Variants in VRK1 observed in about 807,000 individuals in gnomAD.
VRK1 encodes serine/threonine-protein kinase VRK1.
VRK1 carries 33 observed loss-of-function variants against 57.1 expected under a neutral mutation model. The observed-to-expected ratio is 0.58, with a 90% CI of 0.44 to 0.77. The LOEUF is 0.77. VRK1 is among the 30% of genes least tolerant of loss of function. The pLI is 0.00. For missense variants in VRK1, 413 were observed against 477.3 expected, an observed-to-expected ratio of 0.87 and a Z score of 1.25; for synonymous variants, 137 against 147.8, an observed-to-expected ratio of 0.93 and a Z score of 0.53.
At chr14:96,808,363 C>A (rs1251434684) in intron 1 of VRK1, among the ~76,000 whole-genome samples, 1 of 152,130 alleles carries the variant, frequency 6.6e-6, no homozygotes, top group South Asian at 2.1e-4. Flanking sequence ...CTCCCTCATA[C>A]CCTTGCCTCT....
chr14:96,814,003 A>G (rs10438228), intron 1 of VRK1, among the ~76,000 whole-genome samples: 2,206 of 152,272 alleles, frequency 0.014, 57 homozygotes, highest in African/African-American at 0.05. Context: ...GTTACCCAGC[A>G]TATAGCTTGC....
At chr14:96,848,212 G>C (rs1385104091) in intron 5 of VRK1, among the ~76,000 whole-genome samples, 2 of 152,086 alleles carry the variant, frequency 1.3e-5, no homozygotes, top group African/African-American at 4.8e-5. Context: ...GTCGCCAGGT[G>C]GCTGCTCCAT....
At chr14:96,864,921 T>TA (rs35205510) in intron 11 of VRK1, among the ~76,000 whole-genome samples, 49,274 of 148,382 alleles carry the variant, frequency 0.33, 8,543 homozygotes, top group South Asian at 0.42. Context: ...TTTGCCTATT[T>TA]AAAAAAAAAA....
intron 5 of VRK1, 131 bp from the exon 6 acceptor site, chr14:96,852,700 T>A: frequency 1.4e-6 from 1 of 732,320 alleles, no homozygotes; most frequent in Admixed American, 2.1e-5. Flanking sequence ...GTTTCAAATG[T>A]TTGTATTTCT....
At position 96,847,357 on chromosome 14, in the gene VRK1, GT is replaced by G; in HGVS notation, c.374+14del. 6.2e-7 allele frequency: 1 copy of G among 1,603,786 alleles called. No individual in the cohort carries two copies. The highest frequency in any genetic ancestry group is 1.1e-5 in the South Asian group (1 of 90,830). On this transcript the variant is annotated intron_variant, in intron 5 of 12. Coordinates refer to ENST00000216639, the MANE Select transcript of VRK1 (RefSeq NM_003384.3). ...AAAATGGAAAAAGGTAAAAATATGT[GT>G]GATTTGTCTTTCTCCTTCCCTTTTG...
intron 1 of VRK1, among the ~76,000 whole-genome samples, chr14:96,829,044 C>T (rs151101477): frequency 7.9e-5 from 12 of 152,214 alleles, no homozygotes; most frequent in African/African-American, 2.2e-4. Flanking sequence ...GACTTCTTAA[C>T]GTTTATGCGC....
chr14:96,847,160 A>G lies in VRK1; in HGVS notation c.287-97A>G, dbSNP rs1887734428. ...TTTTTATGAATACAGGTGAATTCTT[A>G]TTGCATGTATAAATACATTTTGCTC... On this transcript the variant is annotated intron_variant, in intron 4 of 12. Transcript: ENST00000216639. 3 of 885,008 alleles carry G rather than the reference A, an allele frequency of 3.4e-6. 1 individual carries two copies. In the South Asian group the frequency reaches 4.4e-5, roughly 13 times the overall value. The allele number at this position is 885,008 out of a possible 1,614,324, so 54.8% of individuals were successfully genotyped here. A position where few individuals can be genotyped will look rare whatever the true frequency, so the allele number is the denominator to read the frequency against.
chr14:96,876,045 A>G lies in VRK1; in HGVS notation c.1084A>G (p.Ile362Val). 5.0e-6 allele frequency: 8 copies of G among 1,613,484 alleles called. No homozygotes were observed. Among genetic ancestry groups the G allele is most frequent in the Non-Finnish European group, 6.8e-6 (8 of 1,179,594 alleles). The change falls in exon 12 of 13, where the codon ATT (isoleucine) becomes GTT (valine). Residue 362 changes from isoleucine (I) to valine (V), a missense_variant. By Grantham distance (29) the Ile-to-Val change is conservative. Transcript: ENST00000216639. Reference protein sequence around the residue: ...KTITKKRKKEIEESKEPGVED... With the variant: ...KTITKKRKKEVEESKEPGVED... Reference sequence around the variant, plus strand: ...TATATGTAAGAAGCGAAAGAAAGAAATTGAAGAAAGCAAGGAACCTGGTGT... The same window carrying G: ...TATATGTAAGAAGCGAAAGAAAGAAGTTGAAGAAAGCAAGGAACCTGGTGT...
intron 1 of VRK1, among the ~76,000 whole-genome samples, chr14:96,806,801 C>T (rs1481167142): frequency 6.6e-6 from 1 of 152,088 alleles, no homozygotes; most frequent in African/African-American, 2.4e-5. Context: ...TTCACTCTCA[C>T]TTCCCATCAT....
intron 1 of VRK1, among the ~76,000 whole-genome samples, chr14:96,811,707 A>C (rs1310195781): frequency 6.6e-6 from 1 of 151,924 alleles, no homozygotes; most frequent in Non-Finnish European, 1.5e-5. Flanking sequence ...TTTCCACAGA[A>C]CGCTATAATC....
intron 3 of VRK1, 22 bp downstream of exon 3, chr14:96,837,839 T>A: frequency 1.3e-6 from 2 of 1,533,358 alleles, no homozygotes; most frequent in Non-Finnish European, 1.8e-6. Context: ...TTTAGCTAAT[T>A]TGTTTCTTTT....
chr14:96,832,713 C>G (rs1000896073), intron 1 of VRK1, among the ~76,000 whole-genome samples: 1 of 152,152 alleles, frequency 6.6e-6, no homozygotes, highest in African/African-American at 2.4e-5. Context: ...TAAAGGATAG[C>G]TAATGGGAAA....
At chr14:96,826,168 T>G (rs550276454) in intron 1 of VRK1, among the ~76,000 whole-genome samples, 6 of 152,310 alleles carry the variant, frequency 3.9e-5, no homozygotes, top group Admixed American at 3.9e-4. Flanking sequence ...AAAACTTTAT[T>G]TTAATATTCA....
intron 1 of VRK1, among the ~76,000 whole-genome samples, chr14:96,816,573 T>G (rs1026731989): frequency 1.3e-5 from 2 of 152,216 alleles, no homozygotes; most frequent in African/African-American, 4.8e-5. Context: ...CCCTGTGGTG[T>G]GTGTTCTCCC....
At chr14:96,853,273 A>T in intron 7 of VRK1, 107 bp downstream of exon 7, 2 of 896,674 alleles carry the variant, frequency 2.2e-6, no homozygotes, top group Admixed American at 1.9e-5. Flanking sequence ...TTTGAAGTAG[A>T]TATGGTAATA....
intron 11 of VRK1, among the ~76,000 whole-genome samples, chr14:96,864,048 C>T (rs1244319515): frequency 6.6e-6 from 1 of 152,148 alleles, no homozygotes; most frequent in African/African-American, 2.4e-5. Context: ...TAAAGATAAA[C>T]TGTATTTTAA....
intron 10 of VRK1, chr14:96,858,968 A>C (rs1202713709): frequency 2.0e-5 from 3 of 152,198 alleles, no homozygotes; most frequent in African/African-American, 7.2e-5. Context: ...TTGACTCTGT[A>C]GACCAATTTG....
At chr14:96,837,128 G>A (rs1469349244) in intron 2 of VRK1, among the ~76,000 whole-genome samples, 5 of 152,158 alleles carry the variant, frequency 3.3e-5, no homozygotes, top group Non-Finnish European at 7.3e-5. Flanking sequence ...CCTAGAAACT[G>A]ACGTTTAGTA....
intron 11 of VRK1, among the ~76,000 whole-genome samples, chr14:96,864,317 A>C (rs1245083104): frequency 6.6e-6 from 1 of 152,214 alleles, no homozygotes; most frequent in Non-Finnish European, 1.5e-5. Flanking sequence ...CATCACCCAG[A>C]TCAAGATGTG....
Sources: allele counts gnomAD v4.1 joint callset (sites outside exome capture counted in the v4.1 genomes callset), GRCh38; gene constraint gnomAD v4.1.1; transcripts MANE v1.5; gene names NCBI Gene and HGNC (gene_info 2026-07-23, HGNC 2026-07-21).